Variants in HDAC9 observed in about 807,000 individuals in gnomAD.
HDAC9 encodes histone deacetylase 9, also known as MEF-2 interacting transcription repressor (MITR) protein.
HDAC9 carries 41 observed loss-of-function variants against 139.4 expected under a neutral mutation model. The observed-to-expected ratio is 0.29, with a 90% CI of 0.23 to 0.38. HDAC9 has a LOEUF of 0.38. Ranked by LOEUF, HDAC9 falls within the 10% of genes least tolerant of loss-of-function variation. The pLI, the probability that HDAC9 is intolerant of heterozygous loss-of-function variation, is 1.00. For missense variants in HDAC9, 1,147 were observed against 1,297.0 expected (o/e 0.88, Z 1.78); for synonymous variants, 517 against 476.2 (o/e 1.09, Z -1.12).
intron 4 of HDAC9, 39 bp from the exon 5 acceptor site, chr7:18,591,477 G>GTA (rs1399339892): frequency 1.5e-5 from 1 of 68,474 alleles, no homozygotes; most frequent in East Asian, 1.5e-3. Flanking sequence ...GTGTGTGTAT[G>GTA]TGTGTGTGTG....
rs567644764 is a variant in HDAC9, at chr7:18,092,841, G to A, written c.-97+5628G>A. Reference sequence around the variant, plus strand: ...ATTTATGAGTGGTAGTGATAAGAAAGGAGTAGAAAACCTTTGAAAGATGAA... The same window carrying A: ...ATTTATGAGTGGTAGTGATAAGAAAAGAGTAGAAAACCTTTGAAAGATGAA... On this transcript the variant is annotated intron_variant, in intron 1 of 12. Coordinates refer to the HDAC9 transcript ENST00000417496. Among the ~76,000 whole-genome samples the A allele has an allele frequency of 6.6e-5, 10 of 152,128 alleles. 1 individual carries two copies. Among genetic ancestry groups the A allele is most frequent in the Admixed American group, 2.0e-4 (3 of 15,276 alleles).
chr7:18,366,627 C>A (rs905060416), intron 1 of HDAC9, among the ~76,000 whole-genome samples: 1 of 152,012 alleles, frequency 6.6e-6, no homozygotes, highest in Non-Finnish European at 1.5e-5. Context: ...TTTTCTTTAT[C>A]CTTCAAAAAA....
chr7:18,671,369 C>G (rs1185724180), intron 12 of HDAC9, among the ~76,000 whole-genome samples: 1 of 151,954 alleles, frequency 6.6e-6, no homozygotes, highest in Non-Finnish European at 1.5e-5. Context: ...GCTCAGTCAT[C>G]TACCTTTTTC....
chr7:18,341,101 G>A (rs1383898229), intron 1 of HDAC9, among the ~76,000 whole-genome samples: 1 of 148,804 alleles, frequency 6.7e-6, no homozygotes, highest in Non-Finnish European at 1.5e-5. Context: ...TTTTTCTTTT[G>A]TACTTAAAGT....
intron 16 of HDAC9, among the ~76,000 whole-genome samples, chr7:18,786,828 C>CTTCCTTCCTTCCTTCT (rs1791857235): frequency 3.1e-5 from 1 of 31,794 alleles, no homozygotes; most frequent in Non-Finnish European, 1.4e-4. Context: ...TCATTCCTTC[C>CTTCCTTCCTTCCTTCT]TTCCTTCATT....
At chr7:18,145,694 A>T (rs1562672393) in intron 1 of HDAC9, among the ~76,000 whole-genome samples, 1 of 152,190 alleles carries the variant, frequency 6.6e-6, no homozygotes, top group Non-Finnish European at 1.5e-5. Flanking sequence ...AACTTAATAT[A>T]AGGAACATCT....
intron 1 of HDAC9, among the ~76,000 whole-genome samples, chr7:18,443,988 G>C (rs1047329708): frequency 6.6e-6 from 1 of 151,878 alleles, no homozygotes; most frequent in African/African-American, 2.4e-5. Flanking sequence ...ATATATGTGT[G>C]TATGTATGTA....
intron 6 of HDAC9, among the ~76,000 whole-genome samples, chr7:18,594,755 T>C (rs749043713): frequency 6.6e-6 from 1 of 152,120 alleles, no homozygotes; most frequent in Non-Finnish European, 1.5e-5. Flanking sequence ...TAACTAGATA[T>C]ACATATAAAT....
chr7:18,353,708 C>T (rs1222657255), intron 1 of HDAC9, among the ~76,000 whole-genome samples: 1 of 152,160 alleles, frequency 6.6e-6, no homozygotes, highest in Non-Finnish European at 1.5e-5. Context: ...TTGACCTACA[C>T]ATTTGGATCT....
chr7:18,979,431 G>A (rs1157625803), intron 25 of HDAC9, among the ~76,000 whole-genome samples: 2 of 152,100 alleles, frequency 1.3e-5, no homozygotes, highest in Non-Finnish European at 2.9e-5. Flanking sequence ...GCTTCTAGAA[G>A]CTAAATGTTG....
intron 24 of HDAC9, among the ~76,000 whole-genome samples, chr7:18,955,174 T>C (rs544213453): frequency 1.3e-5 from 2 of 152,204 alleles, no homozygotes; most frequent in African/African-American, 4.8e-5. Context: ...CTTCAAATGC[T>C]GGGGTGCACT....
intron 6 of HDAC9, among the ~76,000 whole-genome samples, chr7:18,602,688 A>G (rs1834305748): frequency 1.3e-5 from 2 of 151,860 alleles, no homozygotes; most frequent in Admixed American, 1.3e-4. Flanking sequence ...TTATCCTGAG[A>G]GTTTTTTTAA....
chr7:18,482,683 C>T (rs1795665194), intron 1 of HDAC9, among the ~76,000 whole-genome samples: 1 of 152,000 alleles, frequency 6.6e-6, no homozygotes, highest in African/African-American at 2.4e-5. Context: ...ATTTTTAAGA[C>T]ATTTTTTTGG....
chr7:18,708,621 C>T (rs1332737438), intron 12 of HDAC9, among the ~76,000 whole-genome samples: 4 of 152,042 alleles, frequency 2.6e-5, no homozygotes, highest in Non-Finnish European at 5.9e-5. Flanking sequence ...GAATGGAAGC[C>T]AGGTGAGGTC....
chr7:18,442,818 C>G (rs1486591413), intron 1 of HDAC9, among the ~76,000 whole-genome samples: 1 of 152,136 alleles, frequency 6.6e-6, no homozygotes, highest in Admixed American at 6.5e-5. Flanking sequence ...GCTGGTTTGT[C>G]TACCTCCCCA....
intron 21 of HDAC9, among the ~76,000 whole-genome samples, chr7:18,838,226 G>A (rs536885335): frequency 1.1e-4 from 17 of 152,134 alleles, no homozygotes; most frequent in Admixed American, 9.8e-4. Context: ...TTGGAATTCA[G>A]AGCTGTTGTT....
chr7:18,889,506 A>G (rs1315383829), intron 22 of HDAC9, among the ~76,000 whole-genome samples: 2 of 152,096 alleles, frequency 1.3e-5, no homozygotes, highest in Non-Finnish European at 2.9e-5. Flanking sequence ...TTTTACTTGA[A>G]AAGTTTGCTG....
chr7:18,920,774 C>T (rs1803635734), intron 22 of HDAC9, among the ~76,000 whole-genome samples: 1 of 152,080 alleles, frequency 6.6e-6, no homozygotes, highest in Non-Finnish European at 1.5e-5. Context: ...GTCTTTGGTT[C>T]TGTTTATATG....
chr7:18,835,298 G>C (rs1796155437), intron 19 of HDAC9, among the ~76,000 whole-genome samples, 169 bp from the exon 20 acceptor site: 1 of 152,156 alleles, frequency 6.6e-6, no homozygotes, highest in Non-Finnish European at 1.5e-5. Context: ...GGAAGTAAAG[G>C]GGGTGGTGTG....
Sources: gnomAD v4.1 joint callset for allele counts (sites outside exome capture counted in the v4.1 genomes callset) on GRCh38, gnomAD v4.1.1 for gene constraint, MANE v1.5 for transcripts, NCBI Gene and HGNC (gene_info 2026-07-23, HGNC 2026-07-21) for gene names.